GRHL1: variants seen among roughly 807,000 people sequenced by gnomAD.
GRHL1 encodes grainyhead-like protein 1 homolog.
A neutral mutation model predicts 75.7 loss-of-function variants in GRHL1; 38 were observed. That is an observed-to-expected ratio of 0.50 (90% CI 0.39 to 0.66). GRHL1 has a LOEUF of 0.66. GRHL1 is among the 30% of genes least tolerant of loss of function. The probability of loss-of-function intolerance (pLI) is 0.00; values close to 1 mark genes in which losing one functional copy is unlikely to be tolerated. For missense variants in GRHL1, 589 were observed against 767.5 expected, an observed-to-expected ratio of 0.77 and a Z score of 2.75; for synonymous variants, 266 against 279.4, an observed-to-expected ratio of 0.95 and a Z score of 0.48.
intron 2 of GRHL1, among the ~76,000 whole-genome samples, chr2:9,958,562 A>G (rs1419677728): frequency 1.3e-5 from 2 of 152,030 alleles, no homozygotes; most frequent in Non-Finnish European, 2.9e-5. Flanking sequence ...TTATTTGGCA[A>G]CTCAATAACA....
At position 9,961,081 on chromosome 2, in the gene GRHL1, T is replaced by C. The variant is rs767616300; in HGVS notation, c.314T>C (p.Ile105Thr). Residue 105 changes from isoleucine (I) to threonine (T), a missense_variant, in exon 4 of 16, where the codon ATC (isoleucine) becomes ACC (threonine). This residue lies in a region of GRHL1 where 362 missense variants were observed against 461.8 expected (regional missense o/e 0.78). Transcript: ENST00000324907. ...CCAATTGTGACAGAGCAGCCCCTCA[T>C]CTCTGCTGGAGAAAACAGAGTGCAA... The part of the protein sequence containing the change: ...SIPIVTEQPL[I>T]SAGENRVQVL... 3.2e-6 allele frequency: 5 copies of C among 1,557,054 alleles called. No individual in the cohort carries two copies. Among genetic ancestry groups the C allele is most frequent in the Non-Finnish European group, 2.6e-6 (3 of 1,149,366 alleles).
At chr2:9,958,744 A>T (rs1006722640) in intron 2 of GRHL1, 42 bp from the exon 3 acceptor site, 2 of 1,480,288 alleles carry the variant, frequency 1.4e-6, no homozygotes, top group South Asian at 1.1e-5. Flanking sequence ...ACTGCACTTC[A>T]CTGGATAAGA....
At chr2:9,978,996 A>C (rs2125228562) in intron 8 of GRHL1, among the ~76,000 whole-genome samples, 1 of 151,004 alleles carries the variant, frequency 6.6e-6, no homozygotes, top group East Asian at 2.0e-4. Context: ...CCTCTCAAAA[A>C]ACAAAATTCA....
In GRHL1 at chr2:10,001,490, T is replaced by G. The variant is rs1294987947; in HGVS notation, c.*783T>G. On this transcript the variant is annotated 3_prime_UTR_variant, in exon 16 of 16. Transcript: ENST00000324907. ...GCAGTAAGAGCTACCTTAAAGACTT[T>G]CCCTAGACAAAGGTTAAGTTATTTT... 1 of 152,308 alleles carries G rather than the reference T, an allele frequency of 6.6e-6. No homozygotes were observed. Among genetic ancestry groups the G allele is most frequent in the Admixed American group, 6.5e-5 (1 of 15,296 alleles). The allele number at this position is 152,308 out of a possible 1,614,324, so 9.4% of individuals were successfully genotyped here.
Position 10,000,578 on chromosome 2 carries a change from T to C in GRHL1, c.1743-15T>C. The C allele has an allele frequency of 2.0e-6, 3 of 1,521,150 alleles. No individual in the cohort carries two copies. The highest frequency in any genetic ancestry group is 2.7e-6 in the Non-Finnish European group (3 of 1,097,472). The allele number at this position is 1,521,150 out of a possible 1,614,324, so 94.2% of individuals were successfully genotyped here. A position where few individuals can be genotyped will look rare whatever the true frequency, so the allele number is the denominator to read the frequency against. ...GTGGCAGTGAAGTTGGTTGGTCTTG[T>C]CCCCCCCCATCCAGGATCCTGGTGA... On this transcript the variant is annotated splice_polypyrimidine_tract_variant and intron_variant, in intron 15 of 15. Transcript: ENST00000324907.
rs1372260627 is a variant in GRHL1 at position 9,990,392 on chromosome 2, C to T, written c.1270-304C>T. 6.6e-6 allele frequency among the ~76,000 whole-genome samples: 1 copy of T among 152,110 alleles called. No individual in the cohort carries two copies. Among genetic ancestry groups the T allele is most frequent in the African/African-American group, 2.4e-5 (1 of 41,420 alleles). Reference sequence around the variant, plus strand: ...TCTCGAACTCCTGACCTCAAATGATCCACCCACCTCGGCCTCCCAAAGTGC... The same window carrying T: ...TCTCGAACTCCTGACCTCAAATGATTCACCCACCTCGGCCTCCCAAAGTGC... On this transcript the variant is annotated intron_variant, in intron 9 of 15. Coordinates refer to ENST00000324907, the MANE Select transcript of GRHL1 (RefSeq NM_198182.3). This position sits in a 1 kb window ranked among gnomAD's most constrained non-coding sequence, Gnocchi z 4.2.
rs1229233460 is a variant in GRHL1 at position 9,987,622 on chromosome 2, G to A, written c.1269+1340G>A. Among the ~76,000 whole-genome samples, 3 of 152,192 alleles carry A rather than the reference G, an allele frequency of 2.0e-5. No homozygotes were observed. Among genetic ancestry groups the A allele is most frequent in the Non-Finnish European group, 4.4e-5 (3 of 68,032 alleles). ...AAGAAGAAAAAGTGCAGGGCCCAGA[G>A]GGATCTCTGCATGACCTGTTTTCCC... On this transcript the variant is annotated intron_variant, in intron 9 of 15. Coordinates refer to ENST00000324907, the MANE Select transcript of GRHL1 (RefSeq NM_198182.3). This position sits in a 1 kb window ranked among gnomAD's most constrained non-coding sequence, Gnocchi z 4.2.
intron 8 of GRHL1, among the ~76,000 whole-genome samples, chr2:9,978,372 A>G (rs1056493708): frequency 2.0e-5 from 3 of 152,230 alleles, no homozygotes; most frequent in Non-Finnish European, 4.4e-5. Flanking sequence ...ATCTTTATCC[A>G]TAAGGGAAAT....
chr2:9,972,116 T>C lies in GRHL1; in HGVS notation c.1110+6735T>C, dbSNP rs3828258. On this transcript the variant is annotated intron_variant, in intron 8 of 15. Transcript: ENST00000324907. ...GAAAGCTTTAGTTTGGTAGTGAAAC[T>C]TGCGTTTTGTGAAACAGGTTTCAAG... Among the ~76,000 whole-genome samples, 25 of 152,144 alleles carry C rather than the reference T, an allele frequency of 1.6e-4. No individual in the cohort carries two copies. In the East Asian group the frequency reaches 4.3e-3, roughly 26 times the overall value.
intron 1 of GRHL1, among the ~76,000 whole-genome samples, chr2:9,952,732 G>C (rs1424000780): frequency 2.0e-5 from 3 of 152,168 alleles, no homozygotes; most frequent in African/African-American, 7.2e-5. Context: ...GAAAAAACAG[G>C]GAAATCGCAC....
In GRHL1 at chr2:9,990,920, C is replaced by G. The variant is rs1668609399; in HGVS notation, c.1321+173C>G. 3.8e-6 allele frequency: 2 copies of G among 527,788 alleles called. No homozygotes were observed. The highest frequency in any genetic ancestry group is 5.6e-5 in the South Asian group (2 of 35,548). The allele number at this position is 527,788 out of a possible 1,614,324, so 32.7% of individuals were successfully genotyped here. Reference sequence around the variant, plus strand: ...CTCTTCCTCAGATCAGCAGCAGATGCCAGCTCAGCGGGAGGGGTTTTCCTG... The same window carrying G: ...CTCTTCCTCAGATCAGCAGCAGATGGCAGCTCAGCGGGAGGGGTTTTCCTG... On this transcript the variant is annotated intron_variant, in intron 10 of 15. Coordinates refer to ENST00000324907, the MANE Select transcript of GRHL1 (RefSeq NM_198182.3). The surrounding 1 kb of genome is among the most constrained non-coding windows in gnomAD (Gnocchi z 4.2).
chr2:9,964,120 T>C, intron 6 of GRHL1, 78 bp downstream of exon 6: 1 of 1,424,386 alleles, frequency 7.0e-7, no homozygotes, highest in Non-Finnish European at 9.8e-7. Flanking sequence ...CAGCTCTGAA[T>C]GACCGCCTGA....
chr2:9,999,444 C>T (rs959332578), intron 15 of GRHL1, among the ~76,000 whole-genome samples: 7 of 152,210 alleles, frequency 4.6e-5, no homozygotes, highest in Non-Finnish European at 7.3e-5. Flanking sequence ...GTGTCGAGCC[C>T]GTTGGAGCCG....
intron 7 of GRHL1, 121 bp downstream of exon 7, chr2:9,964,467 C>G: frequency 1.6e-6 from 1 of 635,218 alleles, no homozygotes. Flanking sequence ...ATGCCAGCTA[C>G]TGATCTGTTC....
At chr2:9,957,206 G>T (rs1218561517) in intron 2 of GRHL1, among the ~76,000 whole-genome samples, 1 of 151,898 alleles carries the variant, frequency 6.6e-6, no homozygotes, top group African/African-American at 2.4e-5. Context: ...GCCCAGGCTG[G>T]TCTCAAATTC....
chr2:10,001,222 C>T lies in GRHL1; in HGVS notation c.*515C>T, dbSNP rs1669256499. ...GAGCCCTCTCTCCCTTACCCTCTCACTCTCCACCAGATGTTTACTAAACAG... is the reference window on the plus strand; with the variant it reads ...GAGCCCTCTCTCCCTTACCCTCTCATTCTCCACCAGATGTTTACTAAACAG... On this transcript the variant is annotated 3_prime_UTR_variant, in exon 16 of 16. Coordinates refer to ENST00000324907, the MANE Select transcript of GRHL1 (RefSeq NM_198182.3). 6.5e-6 allele frequency: 1 copy of T among 152,700 alleles called. No homozygotes were observed. Among genetic ancestry groups the T allele is most frequent in the Non-Finnish European group, 1.5e-5 (1 of 68,080 alleles). 9.5% of individuals were successfully genotyped at this position (152,700 alleles called of 1,614,324 possible).
In GRHL1 at chr2:9,983,203, C is replaced by T. The variant is rs574507693; in HGVS notation, c.1111-2921C>T. Among the ~76,000 whole-genome samples, 24 of 141,358 alleles carry T rather than the reference C, an allele frequency of 1.7e-4. No homozygotes were observed. In the East Asian group the frequency reaches 2.1e-3, roughly 12 times the overall value. 92.7% of individuals were successfully genotyped at this position (141,358 alleles called of 152,430 possible). A position where few individuals can be genotyped will look rare whatever the true frequency, so the allele number is the denominator to read the frequency against. Reference sequence around the variant, plus strand: ...GGCCCCATCTTCTCTTTGGCATCTTCGGCCCACTGTTCTTGTCTCTCATGT... The same window carrying T: ...GGCCCCATCTTCTCTTTGGCATCTTTGGCCCACTGTTCTTGTCTCTCATGT... On this transcript the variant is annotated intron_variant, in intron 8 of 15. Coordinates refer to ENST00000324907, the MANE Select transcript of GRHL1 (RefSeq NM_198182.3).
intron 8 of GRHL1, among the ~76,000 whole-genome samples, chr2:9,973,319 C>T (rs1667812041): frequency 1.3e-5 from 2 of 152,142 alleles, no homozygotes; most frequent in Non-Finnish European, 2.9e-5. Flanking sequence ...TCTTGGGCCT[C>T]ACGAATTAAT....
In GRHL1 at chr2:9,987,888, G is replaced by A. The variant is rs535454079; in HGVS notation, c.1269+1606G>A. 8.5e-5 allele frequency among the ~76,000 whole-genome samples: 13 copies of A among 152,224 alleles called. No homozygotes were observed. Among genetic ancestry groups the A allele is most frequent in the African/African-American group, 2.4e-4 (10 of 41,536 alleles). ...ATTGGACCTATTTTTGGCAGGGGAC[G>A]GGGGCAGTTCTTTTCATCCTATTAA... On this transcript the variant is annotated intron_variant, in intron 9 of 15. Coordinates refer to ENST00000324907, the MANE Select transcript of GRHL1 (RefSeq NM_198182.3). This position sits in a 1 kb window ranked among gnomAD's most constrained non-coding sequence, Gnocchi z 4.2.
Sources: gnomAD v4.1 joint callset for allele counts (sites outside exome capture counted in the v4.1 genomes callset) on GRCh38, gnomAD v4.1.1 for gene constraint, gnomAD v4.1.1 regional missense constraint, Gnocchi (gnomAD v3.1) non-coding constraint, MANE v1.5 for transcripts, NCBI Gene and HGNC (gene_info 2026-07-23, HGNC 2026-07-21) for gene names.